The following CLIP1 variants were observed in gnomAD, a reference collection of about 807,000 sequenced individuals.
The protein encoded by CLIP1 is CAP-Gly domain-containing linker protein 1.
In CLIP1, 66 loss-of-function variants were observed where a neutral mutation model predicts 161.6. The observed-to-expected ratio is 0.41, with a 90% CI of 0.33 to 0.50. CLIP1 has a LOEUF of 0.50. Ranked by LOEUF, CLIP1 falls within the 20% of genes least tolerant of loss-of-function variation. CLIP1 has a pLI of 0.27. For missense variants in CLIP1, 1,376 were observed against 1,702.0 expected (o/e 0.81, Z 3.37); for synonymous variants, 598 against 626.2 (o/e 0.96, Z 0.67).
intron 1 of CLIP1, among the ~76,000 whole-genome samples, chr12:122,405,090 G>A (rs932059280): frequency 6.6e-6 from 1 of 152,028 alleles, no homozygotes; most frequent in Non-Finnish European, 1.5e-5. Flanking sequence ...TTTCACATGA[G>A]ATTACTTGTT....
intron 1 of CLIP1, among the ~76,000 whole-genome samples, chr12:122,390,308 A>ATGTGTG (rs1352254815): frequency 1.6e-5 from 2 of 127,380 alleles, no homozygotes; most frequent in African/African-American, 2.9e-5. Context: ...ATATATGTAT[A>ATGTGTG]TATATATATA....
intron 5 of CLIP1, among the ~76,000 whole-genome samples, chr12:122,356,786 C>T (rs545283813): frequency 5.3e-5 from 8 of 152,278 alleles, no homozygotes; most frequent in Middle Eastern, 3.4e-3. Context: ...TGCAGGCGCG[C>T]GCCGCCACGC....
At chr12:122,327,888 T>G (rs1951767327) in intron 17 of CLIP1, 59 bp downstream of exon 17, 1 of 1,535,330 alleles carries the variant, frequency 6.5e-7, no homozygotes, top group African/African-American at 1.4e-5. Context: ...GCACCCTTCC[T>G]GCCTCGACAC....
At position 122,381,816 on chromosome 12, in the gene CLIP1, C is replaced by G. The variant is rs114160539; in HGVS notation, c.-106-1258G>C. On this transcript the variant is annotated intron_variant, in intron 1 of 25. Transcript: ENST00000620786. ...TCCCCCAAAGACATGTCCCCCAGCACCTGTGAAAGTGATCTTATTTGGAAA... is the reference window on the plus strand; with the variant it reads ...TCCCCCAAAGACATGTCCCCCAGCAGCTGTGAAAGTGATCTTATTTGGAAA... 9.8e-3 allele frequency among the ~76,000 whole-genome samples: 1,498 copies of G among 152,290 alleles called. 25 individuals carry two copies. The highest frequency in any genetic ancestry group is 0.034 in the African/African-American group (1,431 of 41,554).
rs529967573 is a variant in CLIP1 at position 122,380,414 on chromosome 12, G to A, written c.39C>T (p.Thr13=). 1.9e-6 allele frequency: 3 copies of A among 1,613,732 alleles called. No homozygotes were observed. The Middle Eastern group carries it at 5.0e-4, about 266-fold the overall frequency. Residue 13 remains threonine, a synonymous_variant, in exon 2 of 26, where the codon ACC becomes ACT. Coordinates refer to ENST00000620786, the MANE Select transcript of CLIP1 (RefSeq NM_001247997.2). Reference sequence around the variant, plus strand: ...CTGTGCTTCCAGGCTTCAGGATCTTGGTGGGGGCCTTAAGCCCACTTGGCT... The same window carrying A: ...CTGTGCTTCCAGGCTTCAGGATCTTAGTGGGGGCCTTAAGCCCACTTGGCT... ...MLKPSGLKAP[T]KILKPGSTAL... is the part of the protein sequence containing the mutation.
At chr12:122,358,473 T>C (rs939806550) in intron 5 of CLIP1, among the ~76,000 whole-genome samples, 11 of 150,864 alleles carry the variant, frequency 7.3e-5, no homozygotes, top group African/African-American at 2.2e-4. Flanking sequence ...AAAAACCACT[T>C]GTTGAAATAT....
At chr12:122,378,899 G>A (rs921463582) in intron 2 of CLIP1, among the ~76,000 whole-genome samples, 1 of 152,160 alleles carries the variant, frequency 6.6e-6, no homozygotes, top group Non-Finnish European at 1.5e-5. Context: ...GCCGAGGCGG[G>A]CAGATCACCT....
At chr12:122,288,258 T>A (rs1052033054) in intron 21 of CLIP1, among the ~76,000 whole-genome samples, 10 of 152,150 alleles carry the variant, frequency 6.6e-5, no homozygotes, top group African/African-American at 2.4e-4. Context: ...GGTGTCGAAC[T>A]CGTGATCCGC....
chr12:122,319,712 C>T (rs1721989188), intron 17 of CLIP1, among the ~76,000 whole-genome samples: 1 of 152,178 alleles, frequency 6.6e-6, no homozygotes, highest in Non-Finnish European at 1.5e-5. Context: ...CCTTATATAG[C>T]TGAATTTCTT....
chr12:122,306,759 A>G (rs1950887766), intron 20 of CLIP1, among the ~76,000 whole-genome samples: 1 of 152,066 alleles, frequency 6.6e-6, no homozygotes, highest in Non-Finnish European at 1.5e-5. Flanking sequence ...AGCAAAATAA[A>G]TATTTGAGGC....
chr12:122,404,982 C>G (rs923823851), intron 1 of CLIP1, among the ~76,000 whole-genome samples: 1 of 152,110 alleles, frequency 6.6e-6, no homozygotes, highest in Non-Finnish European at 1.5e-5. Context: ...CCACATATCC[C>G]CATCAAGTTC....
intron 20 of CLIP1, among the ~76,000 whole-genome samples, chr12:122,295,404 T>C (rs1015244920): frequency 6.6e-6 from 1 of 152,212 alleles, no homozygotes; most frequent in East Asian, 1.9e-4. Context: ...CATAAGGCTA[T>C]ATAATGTTTT....
intron 19 of CLIP1, among the ~76,000 whole-genome samples, chr12:122,314,308 A>G (rs1422762818): frequency 6.6e-6 from 1 of 151,230 alleles, no homozygotes; most frequent in Non-Finnish European, 1.5e-5. Flanking sequence ...AAAAAAAAAA[A>G]AAGTACAAAA....
chr12:122,343,085 A>T (rs988719405), intron 10 of CLIP1: 1 of 151,616 alleles, frequency 6.6e-6, no homozygotes, highest in Non-Finnish European at 1.5e-5. Flanking sequence ...TGAATAACAC[A>T]TCACCTGTAG....
At chr12:122,352,978 A>T (rs1953120354) in intron 7 of CLIP1, among the ~76,000 whole-genome samples, 192 bp from the exon 8 acceptor site, 1 of 150,474 alleles carries the variant, frequency 6.6e-6, no homozygotes, top group Non-Finnish European at 1.5e-5. Flanking sequence ...ACATAGTGAG[A>T]CCCAGTCCTT....
At chr12:122,385,231 G>A (rs1242886983) in intron 1 of CLIP1, among the ~76,000 whole-genome samples, 3 of 152,000 alleles carry the variant, frequency 2.0e-5, no homozygotes, top group South Asian at 2.1e-4. Flanking sequence ...GCACACGGCC[G>A]ATGGTAATTT....
intron 1 of CLIP1, among the ~76,000 whole-genome samples, chr12:122,390,295 TA>T (rs1955589149): frequency 7.5e-6 from 1 of 132,550 alleles, no homozygotes; most frequent in East Asian, 2.5e-4. Context: ...TATATATATA[TA>T]TATATATGTA....
rs1555257619 is a variant in CLIP1, at chr12:122,293,813, G to GTTTTTTGT, written c.3595-5273_3595-5272insACAAAAAA. 7.6e-3 allele frequency among the ~76,000 whole-genome samples: 1,001 copies of GTTTTTTGT among 130,928 alleles called. 19 individuals carry two copies. Among genetic ancestry groups the GTTTTTTGT allele is most frequent in the African/African-American group, 0.027 (956 of 34,924 alleles). 85.9% of individuals were successfully genotyped at this position (130,928 alleles called of 152,430 possible). On this transcript the variant is annotated intron_variant, in intron 20 of 25. Transcript: ENST00000620786. Reference sequence around the variant, plus strand: ...TTTTTTTTTTTGTTTTTTGTTTTTTGTTTTTTTTTGAGACAGAGTCTTGCT... The same window carrying GTTTTTTGT: ...TTTTTTTTTTTGTTTTTTGTTTTTTGTTTTTTGTTTTTTTTTTGAGACAGAGTCTTGCT...
At chr12:122,316,463 G>A (rs1028015323) in intron 19 of CLIP1, among the ~76,000 whole-genome samples, 3 of 152,008 alleles carry the variant, frequency 2.0e-5, no homozygotes, top group African/African-American at 7.2e-5. Context: ...ACCCACCTCA[G>A]CCTCCCAGTG....
Sources: gnomAD v4.1 joint callset for allele counts (sites outside exome capture counted in the v4.1 genomes callset) on GRCh38, gnomAD v4.1.1 for gene constraint, MANE v1.5 for transcripts, NCBI Gene and HGNC (gene_info 2026-07-23, HGNC 2026-07-21) for gene names.